API5: variants seen among roughly 807,000 people sequenced by gnomAD.
The protein encoded by API5 is apoptosis inhibitor 5, also known as FIF.
API5 carries 6 observed loss-of-function variants against 71.9 expected under a neutral mutation model. The observed-to-expected ratio is 0.08, with a 90% CI of 0.05 to 0.16. The LOEUF (loss-of-function observed/expected upper bound fraction) is 0.16. Among genes scored for constraint, API5 ranks in the 10% least tolerant of loss-of-function variants. The pLI, the probability that API5 is intolerant of heterozygous loss-of-function variation, is 1.00. For synonymous variants in API5, 189 were observed against 221.3 expected, an observed-to-expected ratio of 0.85 and a Z score of 1.30; for missense variants, 332 against 612.8, an observed-to-expected ratio of 0.54 and a Z score of 4.84.
At chr11:43,331,239 T>G (rs1297968461) in intron 11 of API5, 1 of 152,992 alleles carries the variant, frequency 6.5e-6, no homozygotes, top group Non-Finnish European at 1.5e-5. Context: ...GTATACCTTT[T>G]GACTCCCCCA....
chr11:43,322,209 A>AC, intron 5 of API5, 73 bp downstream of exon 5: 1 of 1,404,824 alleles, frequency 7.1e-7, no homozygotes, highest in Non-Finnish European at 9.6e-7. Context: ...AGTATTCGTC[A>AC]ATGTTATGTG....
intron 9 of API5, 25 bp from the exon 10 acceptor site, chr11:43,329,940 A>T: frequency 6.2e-7 from 1 of 1,601,078 alleles, no homozygotes; most frequent in South Asian, 1.1e-5. Context: ...ATGAATTGCT[A>T]ATTAACAAAT....
At chr11:43,318,405 T>G in intron 1 of API5, 2 of 1,527,144 alleles carry the variant, frequency 1.3e-6, no homozygotes, top group Non-Finnish European at 1.8e-6. Flanking sequence ...CATTTGCTTT[T>G]TCCACTTAAA....
intron 2 of API5, among the ~76,000 whole-genome samples, chr11:43,320,451 G>C (rs1359850186): frequency 6.6e-6 from 1 of 151,972 alleles, no homozygotes; most frequent in African/African-American, 2.4e-5. Flanking sequence ...TTCTTAAAAA[G>C]TTGAGTTTGC....
In API5 at chr11:43,325,948, G is replaced by A. The variant is rs117144103; in HGVS notation, c.751-559G>A. On this transcript the variant is annotated intron_variant, in intron 6 of 13. Coordinates refer to ENST00000531273, the MANE Select transcript of API5 (RefSeq NM_001142930.2). Reference sequence around the variant, plus strand: ...TTGGCCAAAGATTGAGCAGGAAAACGCCTAGGAAAGCATCACCAGAGTTCT... The same window carrying A: ...TTGGCCAAAGATTGAGCAGGAAAACACCTAGGAAAGCATCACCAGAGTTCT... 7.6e-4 allele frequency among the ~76,000 whole-genome samples: 116 copies of A among 152,252 alleles called. 3 individuals are homozygous for A. The East Asian group carries it at 0.019, about 25-fold the overall frequency.
Position 43,320,828 on chromosome 11 carries a change from G to A in API5, c.239G>A (p.Arg80His), listed in dbSNP as rs199828377. ...GTTTGAAATCATGCCCAGATTCGAC[G>A]TCAAGCAATTAAAGAACTGCCTCAA... Reference protein sequence around the residue: ...LCEDEDVSIRRQAIKELPQFA... With the variant: ...LCEDEDVSIRHQAIKELPQFA... Residue 80 changes from arginine to histidine, a missense_variant, in exon 3 of 14, where the codon CGT (arginine) becomes CAT (histidine). Physicochemically the swap from Arg to His is conservative, Grantham distance 29. Transcript: ENST00000531273. 6.2e-6 allele frequency: 10 copies of A among 1,611,708 alleles called. No homozygotes were observed. Among genetic ancestry groups the A allele is most frequent in the Admixed American group, 1.7e-5 (1 of 59,974 alleles).
chr11:43,322,730 T>C (rs1854937058), intron 5 of API5, among the ~76,000 whole-genome samples: 1 of 152,228 alleles, frequency 6.6e-6, no homozygotes, highest in African/African-American at 2.4e-5. Flanking sequence ...ATGTGATCAC[T>C]GTTATGGTTC....
chr11:43,344,409 C>T lies in API5; in HGVS notation c.*1899C>T, dbSNP rs1425187421. The T allele has an allele frequency of 1.3e-5, 2 of 152,486 alleles. No individual in the cohort carries two copies. Among genetic ancestry groups the T allele is most frequent in the Non-Finnish European group, 2.9e-5 (2 of 68,030 alleles). 9.4% of individuals were successfully genotyped at this position (152,486 alleles called of 1,614,324 possible). On this transcript the variant is annotated 3_prime_UTR_variant, in exon 14 of 14. Coordinates refer to ENST00000531273, the MANE Select transcript of API5 (RefSeq NM_001142930.2). ...GCACAACTTAGGTTATTTTTGCTTCCGAATTTGAATGAAAAACTTAATGCC... is the reference window on the plus strand; with the variant it reads ...GCACAACTTAGGTTATTTTTGCTTCTGAATTTGAATGAAAAACTTAATGCC...
chr11:43,336,658 CT>C (rs971323147), intron 13 of API5, among the ~76,000 whole-genome samples: 4 of 151,408 alleles, frequency 2.6e-5, no homozygotes, highest in African/African-American at 9.7e-5. Flanking sequence ...CCTCATGGAT[CT>C]TTTTTTTTAA....
chr11:43,331,062 T>G (rs1311778679), intron 11 of API5, among the ~76,000 whole-genome samples: 1 of 152,176 alleles, frequency 6.6e-6, no homozygotes, highest in African/African-American at 2.4e-5. Context: ...TACAGCTTAA[T>G]TGTATTGTGC....
intron 1 of API5, among the ~76,000 whole-genome samples, chr11:43,315,157 A>G (rs566941754): frequency 1.6e-4 from 24 of 152,266 alleles, no homozygotes; most frequent in Middle Eastern, 6.8e-3. Flanking sequence ...ACTACAGACT[A>G]TTCCCTCCCC....
chr11:43,337,075 A>G (rs1251166000), intron 13 of API5, among the ~76,000 whole-genome samples: 1 of 151,618 alleles, frequency 6.6e-6, no homozygotes, highest in Admixed American at 6.6e-5. Flanking sequence ...TGTAAACCCA[A>G]CACTTTCGGA....
intron 1 of API5, among the ~76,000 whole-genome samples, chr11:43,312,418 C>CT (rs1381302125): frequency 6.6e-6 from 1 of 152,168 alleles, no homozygotes; most frequent in African/African-American, 2.4e-5. Flanking sequence ...CCTTGCCTCC[C>CT]TTGCCCAGCC....
At chr11:43,314,858 T>G (rs1854616068) in intron 1 of API5, among the ~76,000 whole-genome samples, 1 of 152,200 alleles carries the variant, frequency 6.6e-6, no homozygotes, top group South Asian at 2.1e-4. Flanking sequence ...TTTTAGGATA[T>G]TGCTTGTAAT....
chr11:43,319,987 C>T (rs564393015), intron 2 of API5, among the ~76,000 whole-genome samples: 1 of 151,748 alleles, frequency 6.6e-6, no homozygotes, highest in Admixed American at 6.6e-5. Context: ...TTGTTAACAT[C>T]CCTTTTTATA....
At chr11:43,325,685 A>G (rs914811209) in intron 6 of API5, among the ~76,000 whole-genome samples, 2 of 152,220 alleles carry the variant, frequency 1.3e-5, no homozygotes, top group African/African-American at 4.8e-5. Flanking sequence ...ATCCTGAAGC[A>G]TGTCTTTGAA....
chr11:43,319,429 CT>C (rs1045076171), intron 2 of API5, among the ~76,000 whole-genome samples: 4 of 152,066 alleles, frequency 2.6e-5, no homozygotes, highest in African/African-American at 7.2e-5. Flanking sequence ...AAACCCTATA[CT>C]TTTTTTGCTT....
rs564382849 is a variant in API5 at position 43,321,562 on chromosome 11, G to C, written c.391+86G>C. 159 of 1,090,340 alleles carry C rather than the reference G, an allele frequency of 1.5e-4. 2 individuals carry two copies. The South Asian group carries it at 2.3e-3, about 16-fold the overall frequency. 67.5% of individuals were successfully genotyped at this position (1,090,340 alleles called of 1,614,324 possible). A position where few individuals can be genotyped will look rare whatever the true frequency, so the allele number is the denominator to read the frequency against. ...TTACTCATTAAGAATAAACTCTAGG[G>C]TTTACCCAGAGTTCTATTTCATAAA... On this transcript the variant is annotated intron_variant, in intron 4 of 13. Transcript: ENST00000531273.
intron 12 of API5, 43 bp downstream of exon 12, chr11:43,335,397 T>TA: frequency 8.2e-7 from 1 of 1,221,710 alleles, no homozygotes; most frequent in Non-Finnish European, 1.2e-6. Context: ...TATCAAAACT[T>TA]AATACGAGTT....
Sources: gnomAD v4.1 joint callset for allele counts (sites outside exome capture counted in the v4.1 genomes callset) on GRCh38, gnomAD v4.1.1 for gene constraint, MANE v1.5 for transcripts, NCBI Gene and HGNC (gene_info 2026-07-23, HGNC 2026-07-21) for gene names.